The following LIPG variants were observed in gnomAD, a reference collection of about 807,000 sequenced individuals.
The protein encoded by LIPG is lipase G, endothelial type.
In LIPG, 34 loss-of-function variants were observed where a neutral mutation model predicts 51.8. That is an observed-to-expected ratio of 0.66 (90% CI 0.50 to 0.87). LIPG has a LOEUF of 0.87. Among genes scored for constraint, LIPG ranks in the 40% least tolerant of loss-of-function variants. The pLI, the probability that LIPG is intolerant of heterozygous loss-of-function variation, is 0.00. For missense variants in LIPG, 580 were observed against 652.7 expected (o/e 0.89, Z 1.21); for synonymous variants, 246 against 246.1 (o/e 1.00, Z 0.00).
rs2084969587 is a variant in LIPG at position 49,594,345 on chromosome 18, G to A, written c.*3823G>A. 6.6e-6 allele frequency: 1 copy of A among 152,162 alleles called. No individual in the cohort carries two copies. The highest frequency in any genetic ancestry group is 2.4e-5 in the African/African-American group (1 of 41,418). 9.4% of individuals were successfully genotyped at this position (152,162 alleles called of 1,614,324 possible). A position where few individuals can be genotyped will look rare whatever the true frequency, so the allele number is the denominator to read the frequency against. On this transcript the variant is annotated 3_prime_UTR_variant, in exon 10 of 10. Coordinates refer to ENST00000261292, the MANE Select transcript of LIPG (RefSeq NM_006033.4). ...AGACAAGGTTTCACCATGTTGGCCA[G>A]GCTGGTCTTGAACTCCTGACCTCAA... is the stretch of plus-strand genomic sequence containing the variant.
chr18:49,575,481 G>A lies in LIPG; in HGVS notation c.684G>A (p.Leu228=). The A allele has an allele frequency of 6.2e-7, 1 of 1,614,218 alleles. No homozygotes were observed. Among genetic ancestry groups the A allele is most frequent in the Non-Finnish European group, 8.5e-7 (1 of 1,180,052 alleles). The part of the protein sequence containing the change: ...VLHTYTRSFG[L]SIGIQMPVGH... ...ACACCTACACGCGTTCCTTCGGCTT[G>A]AGCATTGGTATTCAGATGCCTGTGG... Residue 228 remains leucine (L), a synonymous_variant, in exon 5 of 10, where the codon TTG becomes TTA. Transcript: ENST00000261292.
chr18:49,580,635 A>C (rs550958004), intron 5 of LIPG, among the ~76,000 whole-genome samples: 5 of 152,014 alleles, frequency 3.3e-5, no homozygotes, highest in African/African-American at 1.2e-4. Context: ...ACTGTCTATA[A>C]AACAAAAACA....
Position 49,586,742 on chromosome 18 carries a change from C to A in LIPG, c.1377-4C>A. Reference sequence around the variant, plus strand: ...CTACATCAGTGGTTTCTTTTCCCTCCTAGACTGACATTTTGTACAGAAGAC... The same window carrying A: ...CTACATCAGTGGTTTCTTTTCCCTCATAGACTGACATTTTGTACAGAAGAC... On this transcript the variant is annotated splice_region_variant and splice_polypyrimidine_tract_variant and intron_variant, in intron 8 of 9. Coordinates refer to ENST00000261292, the MANE Select transcript of LIPG (RefSeq NM_006033.4). The A allele has an allele frequency of 6.2e-7, 1 of 1,610,808 alleles. No individual in the cohort carries two copies. Among genetic ancestry groups the A allele is most frequent in the Non-Finnish European group, 8.5e-7 (1 of 1,176,996 alleles).
At chr18:49,586,172 T>C (rs1948588725) in intron 8 of LIPG, among the ~76,000 whole-genome samples, 1 of 152,242 alleles carries the variant, frequency 6.6e-6, no homozygotes, top group Admixed American at 6.5e-5. Flanking sequence ...TCTTTGGTTT[T>C]GACTTGCAGC....
intron 5 of LIPG, among the ~76,000 whole-genome samples, chr18:49,576,029 GT>G (rs2084712506): frequency 6.6e-6 from 1 of 151,874 alleles, no homozygotes; most frequent in Non-Finnish European, 1.5e-5. Context: ...GTAGAGATGG[GT>G]TTTCACCATG....
Position 49,583,444 on chromosome 18 carries a change from C to T in LIPG, c.1158-112C>T, listed in dbSNP as rs147526462. The T allele has an allele frequency of 1.1e-3, 958 of 859,490 alleles. 6 individuals are homozygous for T. The African/African-American group carries it at 0.014, about 13-fold the overall frequency. The allele number at this position is 859,490 out of a possible 1,614,324, so 53.2% of individuals were successfully genotyped here. On this transcript the variant is annotated intron_variant, in intron 7 of 9. Transcript: ENST00000261292. The stretch of plus-strand genomic sequence containing the variant: ...GGGATAGAGGTGGGGAAAGCACTCA[C>T]ACTGTCTCTCTCCTGTCTGTGTGGG...
chr18:49,578,855 C>G (rs1203088845), intron 5 of LIPG, among the ~76,000 whole-genome samples: 3 of 150,470 alleles, frequency 2.0e-5, no homozygotes, highest in Non-Finnish European at 4.4e-5. Flanking sequence ...ACCCCGTCTC[C>G]ACCAAAACCA....
chr18:49,576,457 C>CTTTTTTTTTTTTTTTTTTTTT lies in LIPG; in HGVS notation c.793+874_793+894dup, dbSNP rs34597464. Among the ~76,000 whole-genome samples the CTTTTTTTTTTTTTTTTTTTTT allele has an allele frequency of 1.4e-4, 7 of 51,546 alleles. 3 individuals carry two copies. Among genetic ancestry groups the CTTTTTTTTTTTTTTTTTTTTT allele is most frequent in the Non-Finnish European group, 2.1e-4 (6 of 28,680 alleles). 33.8% of individuals were successfully genotyped at this position (51,546 alleles called of 152,430 possible). ...TCTTTTTTTAAAAGACAGAATCTTG[C>CTTTTTTTTTTTTTTTTTTTTT]TTTTTTTTTTTTTTTTTTTTTTTTT... On this transcript the variant is annotated intron_variant, in intron 5 of 9. Transcript: ENST00000261292.
At chr18:49,563,921 A>G (rs181908260) in intron 1 of LIPG, among the ~76,000 whole-genome samples, 1,792 of 152,228 alleles carry the variant, frequency 0.012, 20 homozygotes, top group Admixed American at 0.016. Context: ...CTTTTCTCCT[A>G]GGTTTCCCCA....
In LIPG at chr18:49,567,558, G is replaced by A. The variant is rs376564046; in HGVS notation, c.396G>A (p.Thr132=). 9.3e-6 allele frequency: 15 copies of A among 1,614,010 alleles called. No individual in the cohort carries two copies. Among genetic ancestry groups the A allele is most frequent in the East Asian group, 2.2e-5 (1 of 44,880 alleles). Reference sequence around the variant, plus strand: ...TCCCCCTGGCCCACCAGCTTTACACGGATGCGGTCAATAATACCAGGGTGG... The same window carrying A: ...TCCCCCTGGCCCACCAGCTTTACACAGATGCGGTCAATAATACCAGGGTGG... ...DWLPLAHQLY[T]DAVNNTRVVG... The change falls in exon 3 of 10, where the codon ACG becomes ACA. Residue 132 remains threonine, a synonymous_variant. Transcript: ENST00000261292.
intron 8 of LIPG, among the ~76,000 whole-genome samples, chr18:49,586,161 A>G (rs2084877727): frequency 6.6e-6 from 1 of 152,150 alleles, no homozygotes; most frequent in Non-Finnish European, 1.5e-5. Context: ...CATTTGCTGA[A>G]TCTTTGGTTT....
intron 4 of LIPG, among the ~76,000 whole-genome samples, chr18:49,574,880 G>A (rs74644004): frequency 0.016 from 2,388 of 152,264 alleles, 56 homozygotes; most frequent in African/African-American, 0.054. Flanking sequence ...AAATAGCTCC[G>A]TTTGGGGAGA....
rs975918729 is a variant in LIPG, at chr18:49,569,620, AGAGT to A, written c.571+77_571+80del. On this transcript the variant is annotated intron_variant, in intron 4 of 9. Transcript: ENST00000261292. ...CCGGAATGCTCCCAAATGAGGCAGCAGAGTGAGTCATAGAAAGTTAGCTTTGGAA... is the reference window on the plus strand; with the variant it reads ...CCGGAATGCTCCCAAATGAGGCAGCAGAGTCATAGAAAGTTAGCTTTGGAA... The A allele has an allele frequency of 4.2e-6, 5 of 1,185,622 alleles. No homozygotes were observed. In the African/African-American group the frequency reaches 7.6e-5, roughly 18 times the overall value. The allele number at this position is 1,185,622 out of a possible 1,614,324, so 73.4% of individuals were successfully genotyped here. A position where few individuals can be genotyped will look rare whatever the true frequency, so the allele number is the denominator to read the frequency against.
At position 49,592,548 on chromosome 18, in the gene LIPG, C is replaced by A. The variant is rs945492417; in HGVS notation, c.*2026C>A. ...TGGTAACTTATGTGAGGGGTTTTCC[C>A]ATTTTTTGTCTTGTTGGTGCTCAAA... On this transcript the variant is annotated 3_prime_UTR_variant, in exon 10 of 10. Transcript: ENST00000261292. 6.5e-6 allele frequency: 1 copy of A among 153,718 alleles called. No individual in the cohort carries two copies. Among genetic ancestry groups the A allele is most frequent in the Non-Finnish European group, 1.4e-5 (1 of 69,194 alleles). 9.5% of individuals were successfully genotyped at this position (153,718 alleles called of 1,614,324 possible). A position where few individuals can be genotyped will look rare whatever the true frequency, so the allele number is the denominator to read the frequency against.
chr18:49,579,221 A>G (rs550312662), intron 5 of LIPG, among the ~76,000 whole-genome samples: 5 of 109,920 alleles, frequency 4.5e-5, no homozygotes, highest in Non-Finnish European at 8.8e-5. Flanking sequence ...AGGGAGAGGG[A>G]GAGGGAGAGG....
At position 49,599,115 on chromosome 18, in the gene LIPG, G is replaced by A. The variant is rs2084996717; in HGVS notation, c.*8593G>A. 1 of 152,122 alleles carries A rather than the reference G, an allele frequency of 6.6e-6. No homozygotes were observed. The highest frequency in any genetic ancestry group is 1.5e-5 in the Non-Finnish European group (1 of 68,028). The allele number at this position is 152,122 out of a possible 1,614,324, so 9.4% of individuals were successfully genotyped here. On this transcript the variant is annotated 3_prime_UTR_variant, in exon 10 of 10. Transcript: ENST00000261292. ...GGACATGAACTTTCATTTCTTTTGG[G>A]AGTAGGATAGCTGGATCATATGGAA... is the stretch of plus-strand genomic sequence containing the variant.
intron 1 of LIPG, among the ~76,000 whole-genome samples, chr18:49,564,044 G>T (rs796320249): frequency 3.9e-5 from 6 of 152,198 alleles, no homozygotes; most frequent in African/African-American, 1.4e-4. Flanking sequence ...CTTTCATGAC[G>T]GTTAACCTGA....
intron 2 of LIPG, among the ~76,000 whole-genome samples, chr18:49,566,152 A>AG (rs1312752247): frequency 6.6e-6 from 1 of 151,944 alleles, no homozygotes; most frequent in African/African-American, 2.4e-5. Flanking sequence ...GCTAATTGGA[A>AG]GGGGACAGTC....
At chr18:49,567,912 G>C (rs1470467109) in intron 3 of LIPG, 1 of 391,904 alleles carries the variant, frequency 2.6e-6, no homozygotes, top group East Asian at 5.4e-5. Context: ...CCTTAGGTTG[G>C]TTGGGGATGG....
Sources: gnomAD v4.1 joint callset for allele counts (sites outside exome capture counted in the v4.1 genomes callset) on GRCh38, gnomAD v4.1.1 for gene constraint, MANE v1.5 for transcripts, NCBI Gene and HGNC (gene_info 2026-07-23, HGNC 2026-07-21) for gene names.